NTNG1: variants seen among roughly 807,000 people sequenced by gnomAD.
NTNG1 encodes the protein netrin G1.
A neutral mutation model predicts 54.0 loss-of-function variants in NTNG1; 16 were observed. The ratio of observed to expected loss-of-function variants is 0.30; its 90% confidence interval spans 0.20 to 0.45. The LOEUF is 0.45. Among genes scored for constraint, NTNG1 ranks in the 20% least tolerant of loss-of-function variants. The pLI is 1.00. For missense variants in NTNG1, 530 were observed against 678.7 expected, an observed-to-expected ratio of 0.78 and a Z score of 2.43; for synonymous variants, 255 against 263.1, an observed-to-expected ratio of 0.97 and a Z score of 0.30.
rs774122128 is a variant in NTNG1 at position 107,436,640 on chromosome 1, C to T, written c.1256-25C>T. 3.1e-6 allele frequency: 5 copies of T among 1,607,554 alleles called. No individual in the cohort carries two copies. The Admixed American group carries it at 8.4e-5, about 27-fold the overall frequency. ...GTAAGCCATGCAGACTTGTCTCCAG[C>T]CTGTGTGTTGTCTTGTTTCTACAGA... On this transcript the variant is annotated intron_variant, in intron 6 of 7. Transcript: ENST00000370068.
intron 6 of NTNG1, among the ~76,000 whole-genome samples, chr1:107,434,178 T>C (rs116659232): frequency 3.3e-4 from 50 of 152,322 alleles, no homozygotes; most frequent in African/African-American, 1.2e-3. Flanking sequence ...ACCCTTGCTG[T>C]AAAGGAACAA....
intron 2 of NTNG1, among the ~76,000 whole-genome samples, chr1:107,175,385 T>C (rs1656570537): frequency 6.6e-6 from 1 of 152,148 alleles, no homozygotes; most frequent in Non-Finnish European, 1.5e-5. Flanking sequence ...CTAGGGCAAC[T>C]TCATAGGATA....
chr1:107,193,831 C>T (rs1658130684), intron 2 of NTNG1, among the ~76,000 whole-genome samples: 1 of 151,938 alleles, frequency 6.6e-6, no homozygotes, highest in African/African-American at 2.4e-5. Flanking sequence ...TCAATTCCTT[C>T]CTTCTTTTTT....
chr1:107,145,493 G>C (rs905177280), intron 1 of NTNG1, among the ~76,000 whole-genome samples: 1 of 151,980 alleles, frequency 6.6e-6, no homozygotes. Context: ...TAACAGCTTA[G>C]TGTCCCTCTG....
rs532201473 is a variant in NTNG1, at chr1:107,263,000, C to T, written c.247-61282C>T. On this transcript the variant is annotated intron_variant, in intron 2 of 7. Coordinates refer to ENST00000370068, the MANE Select transcript of NTNG1 (RefSeq NM_001113226.3). Reference sequence around the variant, plus strand: ...TAAAGGAATGGAAATCATTATCTAGCACAAATAATGCAAAGTTGGTCACTT... The same window carrying T: ...TAAAGGAATGGAAATCATTATCTAGTACAAATAATGCAAAGTTGGTCACTT... Among the ~76,000 whole-genome samples, 7 of 152,236 alleles carry T rather than the reference C, an allele frequency of 4.6e-5. No individual in the cohort carries two copies. In the East Asian group the frequency reaches 1.3e-3, roughly 29 times the overall value.
At chr1:107,379,492 T>C (rs1450945994) in intron 3 of NTNG1, among the ~76,000 whole-genome samples, 1 of 152,168 alleles carries the variant, frequency 6.6e-6, no homozygotes, top group Non-Finnish European at 1.5e-5. Context: ...GTATTAGTCA[T>C]ATCCTAAGCT....
chr1:107,183,080 C>G (rs1262332235), intron 2 of NTNG1, among the ~76,000 whole-genome samples: 1 of 152,170 alleles, frequency 6.6e-6, no homozygotes, highest in African/African-American at 2.4e-5. Context: ...TGAACCGATT[C>G]TTTTGCTCTA....
At chr1:107,343,386 G>A (rs748253542) in intron 3 of NTNG1, among the ~76,000 whole-genome samples, 4 of 152,064 alleles carry the variant, frequency 2.6e-5, no homozygotes, top group Admixed American at 6.6e-5. Context: ...AACCTTGGCC[G>A]TGAAAGAACA....
chr1:107,464,941 C>T (rs910707051), intron 7 of NTNG1, among the ~76,000 whole-genome samples: 1 of 152,168 alleles, frequency 6.6e-6, no homozygotes, highest in African/African-American at 2.4e-5. Context: ...TCTCCATAGG[C>T]TTATGTGGTG....
intron 3 of NTNG1, among the ~76,000 whole-genome samples, chr1:107,350,545 G>C (rs1328543059): frequency 6.6e-6 from 1 of 152,082 alleles, no homozygotes; most frequent in Non-Finnish European, 1.5e-5. Flanking sequence ...GCACTCCCTT[G>C]TTCACTGCAG....
chr1:107,295,706 T>C (rs1165136342), intron 2 of NTNG1, among the ~76,000 whole-genome samples: 2 of 152,046 alleles, frequency 1.3e-5, no homozygotes, highest in Non-Finnish European at 2.9e-5. Context: ...GCTATTGTTA[T>C]GAATGCATAG....
Position 107,480,657 on chromosome 1 carries a change from G to C in NTNG1, c.1437G>C (p.Thr479=), listed in dbSNP as rs1324243387. 2 of 1,531,346 alleles carry C rather than the reference G, an allele frequency of 1.3e-6. No homozygotes were observed. The highest frequency in any genetic ancestry group is 1.8e-6 in the Non-Finnish European group (2 of 1,127,384). 94.9% of individuals were successfully genotyped at this position (1,531,346 alleles called of 1,614,324 possible). A position where few individuals can be genotyped will look rare whatever the true frequency, so the allele number is the denominator to read the frequency against. Residue 479 remains threonine (T), a synonymous_variant, in exon 8 of 8, where the codon ACG becomes ACC. Transcript: ENST00000370068. ...TCCTGCACTGCCAGAACGGAGGGAC[G>C]TGCCACAACAACGTGCGCTGCCTGT... ...NELLHCQNGG[T]CHNNVRCLCP...
intron 2 of NTNG1, among the ~76,000 whole-genome samples, chr1:107,182,569 C>A (rs77412568): frequency 0.022 from 3,347 of 152,180 alleles, 106 homozygotes; most frequent in African/African-American, 0.076. Flanking sequence ...TCATTCCTTG[C>A]CTATACTCAA....
chr1:107,179,324 A>T (rs1428471677), intron 2 of NTNG1, among the ~76,000 whole-genome samples: 2 of 151,946 alleles, frequency 1.3e-5, no homozygotes, highest in East Asian at 3.9e-4. Context: ...CTTTTAAATA[A>T]CTCTTCTTCC....
At chr1:107,341,114 C>T (rs1282439590) in intron 3 of NTNG1, among the ~76,000 whole-genome samples, 3 of 151,946 alleles carry the variant, frequency 2.0e-5, no homozygotes, top group African/African-American at 7.2e-5. Context: ...CATAGCAAGA[C>T]CCCATCTCTT....
At chr1:107,197,451 A>G (rs896341942) in intron 2 of NTNG1, among the ~76,000 whole-genome samples, 2 of 152,060 alleles carry the variant, frequency 1.3e-5, no homozygotes, top group African/African-American at 4.8e-5. Flanking sequence ...TCATAATGAA[A>G]TGATATCTTT....
At chr1:107,440,581 C>T (rs910196868) in intron 7 of NTNG1, among the ~76,000 whole-genome samples, 6 of 152,148 alleles carry the variant, frequency 3.9e-5, no homozygotes, top group Admixed American at 1.3e-4. Context: ...CTTCCAAGCA[C>T]ATGTTGATAT....
At chr1:107,181,050 A>G (rs905284469) in intron 2 of NTNG1, among the ~76,000 whole-genome samples, 1 of 152,206 alleles carries the variant, frequency 6.6e-6, no homozygotes, top group African/African-American at 2.4e-5. Context: ...GCAAGTGGCC[A>G]CTTATGCCGA....
At chr1:107,429,814 G>A (rs1448679424) in intron 5 of NTNG1, among the ~76,000 whole-genome samples, 1 of 152,074 alleles carries the variant, frequency 6.6e-6, no homozygotes, top group Admixed American at 6.6e-5. Flanking sequence ...TTAAAAGGTT[G>A]AATTGGATTT....
Sources: allele counts gnomAD v4.1 joint callset (sites outside exome capture counted in the v4.1 genomes callset), GRCh38; gene constraint gnomAD v4.1.1; transcripts MANE v1.5; gene names NCBI Gene and HGNC (gene_info 2026-07-23, HGNC 2026-07-21).